The following RAB33A variants were observed in gnomAD, a reference collection of about 807,000 sequenced individuals.
RAB33A encodes the protein RAB33A, member RAS oncogene family.
In RAB33A, 6 loss-of-function variants were observed where a neutral mutation model predicts 12.0. That is an observed-to-expected ratio of 0.50 (90% CI 0.27 to 0.99). The LOEUF is 0.99. Among genes scored for constraint, RAB33A ranks in the 50% least tolerant of loss-of-function variants. The probability of loss-of-function intolerance (pLI) is 0.11; values close to 1 mark genes in which losing one functional copy is unlikely to be tolerated. For missense variants in RAB33A, 109 were observed against 192.0 expected (o/e 0.57, Z 2.55); for synonymous variants, 70 against 82.4 (o/e 0.85, Z 0.81).
chrX:130,144,878 G>A, the RAB33A span, among the ~76,000 whole-genome samples: 4 of 112,246 alleles, frequency 3.6e-5, no homozygotes, highest in African/African-American at 9.7e-5. Flanking sequence ...GGAGAAGTGA[G>A]TATGTTCCTA....
chrX:130,117,845 T>C, the RAB33A span, among the ~76,000 whole-genome samples: 1 of 112,730 alleles, frequency 8.9e-6, no homozygotes, highest in Non-Finnish European at 1.9e-5. Flanking sequence ...ACACCTGTCC[T>C]GTGTCATCTC....
Position 130,172,303 on chromosome X carries a change from G to A in RAB33A, c.241G>A (p.Glu81Lys). The part of the protein sequence containing the change: ...VDFREKTVEI[E>K]GEKIKVQVWD... ...CTTCAGGGAGAAGACCGTGGAAATC[G>A]AGGGCGAGAAGATCAAGGTGATCCA... The change falls in exon 1 of 2, where the codon GAG (glutamate) becomes AAG (lysine). Residue 81 changes from glutamate to lysine, a missense_variant. Glu to Lys is a moderately conservative substitution (Grantham distance 56, BLOSUM62 1). Transcript: ENST00000257017. 1 of 1,207,279 alleles carries A rather than the reference G, an allele frequency of 8.3e-7. No individual in the cohort carries two copies. Among genetic ancestry groups the A allele is most frequent in the Non-Finnish European group, 1.1e-6 (1 of 892,888 alleles).
the RAB33A span, among the ~76,000 whole-genome samples, chrX:130,165,218 C>T: frequency 1.1e-5 from 1 of 92,590 alleles, no homozygotes; most frequent in Non-Finnish European, 2.0e-5. Flanking sequence ...ATGACAAAGT[C>T]TACTTGACCT....
At chrX:130,114,312 G>A in the RAB33A span, among the ~76,000 whole-genome samples, 2 of 111,589 alleles carry the variant, frequency 1.8e-5, no homozygotes, top group African/African-American at 3.3e-5. Context: ...CATGATCTGC[G>A]CGTTGCAGCC....
the RAB33A span, chrX:130,165,676 G>C: frequency 3.5e-6 from 4 of 1,155,431 alleles, no homozygotes; most frequent in Non-Finnish European, 4.7e-6. Flanking sequence ...CGCTATTCGG[G>C]ACCTCCTCCT....
At chrX:130,144,797 G>T in the RAB33A span, among the ~76,000 whole-genome samples, 5 of 112,348 alleles carry the variant, frequency 4.5e-5, no homozygotes, top group Non-Finnish European at 9.4e-5. Flanking sequence ...ACACATAGGG[G>T]ACACTAAATG....
chrX:130,147,861 T>G, the RAB33A span: 17 of 1,211,574 alleles, frequency 1.4e-5, no homozygotes, highest in Non-Finnish European at 1.9e-5. Context: ...TTGAGGAACT[T>G]CCTCTCCTTC....
chrX:130,150,697 G>A, the RAB33A span, among the ~76,000 whole-genome samples: 1 of 105,555 alleles, frequency 9.5e-6, no homozygotes, highest in African/African-American at 3.4e-5. Flanking sequence ...GCTTTTGGCC[G>A]GGCATGGTGA....
At chrX:130,131,790 C>T in the RAB33A span, 181 of 1,209,924 alleles carry the variant, frequency 1.5e-4, no homozygotes, top group South Asian at 3.1e-3. Context: ...CATCGGGGCC[C>T]AAATCACTCC....
the RAB33A span, among the ~76,000 whole-genome samples, chrX:130,142,377 G>A: frequency 9.0e-6 from 1 of 111,049 alleles, no homozygotes. Context: ...AACCCTCACG[G>A]TGTTCGCTCT....
At chrX:130,142,219 C>T in the RAB33A span, among the ~76,000 whole-genome samples, 1 of 111,721 alleles carries the variant, frequency 9.0e-6, no homozygotes, top group South Asian at 3.7e-4. Context: ...GCGCTGGGAA[C>T]ATATGACATG....
the RAB33A span, chrX:130,137,163 C>A: frequency 8.3e-7 from 1 of 1,211,498 alleles, no homozygotes; most frequent in Non-Finnish European, 1.1e-6. Flanking sequence ...AGAGTTGAAT[C>A]ACTTCTGTGC....
the RAB33A span, among the ~76,000 whole-genome samples, chrX:130,164,866 G>C: frequency 1.8e-5 from 2 of 111,323 alleles, no homozygotes; most frequent in Non-Finnish European, 3.8e-5. Context: ...TAAAATGAGT[G>C]GGTTGACCTT....
At position 130,179,088 on chromosome X, in the gene RAB33A, C is replaced by G. The variant is rs777621536; in HGVS notation, c.259-5197C>G. On this transcript the variant is annotated intron_variant, in intron 1 of 1. Transcript: ENST00000257017. ...TGCGAGCAGCCTGCTTCCTGGCTCC[C>G]CTCTCACGACAGACACGTCTGCAAA... Among the ~76,000 whole-genome samples the G allele has an allele frequency of 2.7e-5, 3 of 110,155 alleles. No individual in the cohort carries two copies. The Admixed American group carries it at 2.9e-4, about 11-fold the overall frequency.
the RAB33A span, among the ~76,000 whole-genome samples, chrX:130,116,169 G>C: frequency 1.0e-5 from 1 of 99,790 alleles, no homozygotes; most frequent in African/African-American, 3.8e-5. Context: ...GCAATGGCGC[G>C]ATCTCAGCTC....
At chrX:130,136,494 T>C in the RAB33A span, 18 of 570,031 alleles carry the variant, frequency 3.2e-5, no homozygotes, top group Non-Finnish European at 4.8e-5. Flanking sequence ...TCTGTTTTAA[T>C]GGAGGGATGG....
chrX:130,114,595 T>C, the RAB33A span, among the ~76,000 whole-genome samples: 1 of 111,941 alleles, frequency 8.9e-6, no homozygotes, highest in East Asian at 2.8e-4. Flanking sequence ...GCCTGCACCA[T>C]GAGCGGAGCA....
the RAB33A span, chrX:130,136,325 A>G: frequency 1.3e-6 from 1 of 766,155 alleles, no homozygotes; most frequent in Non-Finnish European, 1.9e-6. Flanking sequence ...ATGGATTTTA[A>G]GTTCTATTTC....
At chrX:130,133,839 G>A in the RAB33A span, among the ~76,000 whole-genome samples, 1 of 106,939 alleles carries the variant, frequency 9.4e-6, no homozygotes, top group Admixed American at 1.0e-4. Flanking sequence ...GCCATGTTGC[G>A]CAGGCTGGTT....
Sources: gnomAD v4.1 joint callset for allele counts (sites outside exome capture counted in the v4.1 genomes callset) on GRCh38, gnomAD v4.1.1 for gene constraint, MANE v1.5 for transcripts, NCBI Gene and HGNC (gene_info 2026-07-23, HGNC 2026-07-21) for gene names.